The following UNC13C variants were observed in gnomAD, a reference collection of about 807,000 sequenced individuals.
UNC13C encodes unc-13 homolog C.
A neutral mutation model predicts 245.4 loss-of-function variants in UNC13C; 174 were observed. That is an observed-to-expected ratio of 0.71 (90% CI 0.63 to 0.80). UNC13C has a LOEUF of 0.80. UNC13C is among the 30% of genes least tolerant of loss of function. UNC13C has a pLI of 0.00. For synonymous variants in UNC13C, 992 were observed against 895.1 expected, an observed-to-expected ratio of 1.11 and a Z score of -1.93; for missense variants, 2,829 against 2,602.9, an observed-to-expected ratio of 1.09 and a Z score of -1.89.
At chr15:54,561,456 A>T (rs1374850616) in intron 29 of UNC13C, among the ~76,000 whole-genome samples, 2 of 152,000 alleles carry the variant, frequency 1.3e-5, no homozygotes, top group Admixed American at 6.6e-5. Flanking sequence ...GGGCGTTTAC[A>T]GGCTGGATAG....
intron 10 of UNC13C, among the ~76,000 whole-genome samples, chr15:54,268,613 G>GGATCTTGCT (rs1173017751): frequency 6.6e-6 from 1 of 152,016 alleles, no homozygotes; most frequent in Non-Finnish European, 1.5e-5. Context: ...TTTGTGCTTT[G>GGATCTTGCT]GATCTTGCTT....
At chr15:54,442,987 T>A (rs1339474381) in intron 19 of UNC13C, among the ~76,000 whole-genome samples, 1 of 152,142 alleles carries the variant, frequency 6.6e-6, no homozygotes, top group Non-Finnish European at 1.5e-5. Context: ...TTGAGGTTAA[T>A]TGGTATTAAT....
chr15:54,590,500 G>C (rs1296348782), intron 30 of UNC13C, among the ~76,000 whole-genome samples: 1 of 151,998 alleles, frequency 6.6e-6, no homozygotes, highest in Non-Finnish European at 1.5e-5. Flanking sequence ...GAGGTCTTCT[G>C]ACTCTTTTGT....
chr15:54,172,554 C>T (rs1431237187), intron 4 of UNC13C, among the ~76,000 whole-genome samples: 1 of 150,822 alleles, frequency 6.6e-6, no homozygotes, highest in Non-Finnish European at 1.5e-5. Flanking sequence ...ATAAATTATA[C>T]CACAGGTTAT....
chr15:53,971,076 T>C, the UNC13C span, among the ~76,000 whole-genome samples: 2 of 152,200 alleles, frequency 1.3e-5, no homozygotes, highest in Non-Finnish European at 2.9e-5. Flanking sequence ...AGTAATATCG[T>C]GGTTTTGATA....
At chr15:54,527,723 A>C (rs1895539772) in intron 25 of UNC13C, among the ~76,000 whole-genome samples, 2 of 152,242 alleles carry the variant, frequency 1.3e-5, no homozygotes, top group African/African-American at 4.8e-5. Context: ...GGCTACCCAG[A>C]ATCCATTTAT....
At chr15:54,062,255 G>T (rs909637242) in intron 2 of UNC13C, among the ~76,000 whole-genome samples, 1 of 150,940 alleles carries the variant, frequency 6.6e-6, no homozygotes, top group Admixed American at 6.6e-5. Flanking sequence ...GGAGGTGGAG[G>T]TTGCAGTGAG....
At position 54,013,713 on chromosome 15, in the gene UNC13C, C is replaced by G; in HGVS notation, c.810C>G (p.Leu270=). 1 of 1,613,324 alleles carries G rather than the reference C, an allele frequency of 6.2e-7. No individual in the cohort carries two copies. Among genetic ancestry groups the G allele is most frequent in the East Asian group, 2.2e-5 (1 of 44,860 alleles). The change falls in exon 2 of 33, where the codon CTC becomes CTG. Residue 270 remains leucine (L), a synonymous_variant. Transcript: ENST00000260323. ...LSELRGHVNA[L]KHSIDEISSS... is the part of the protein sequence containing the mutation. ...AACTACGAGGGCACGTCAATGCTCT[C>G]AAGCACTCCATCGATGAGATCTCCA...
chr15:53,995,072 G>A (rs1894558085), intron 1 of UNC13C, among the ~76,000 whole-genome samples: 2 of 152,110 alleles, frequency 1.3e-5, no homozygotes, highest in South Asian at 4.1e-4. Flanking sequence ...AATATTCTAT[G>A]AGAAACTGAG....
At chr15:53,874,962 C>A in the UNC13C span, among the ~76,000 whole-genome samples, 1 of 152,044 alleles carries the variant, frequency 6.6e-6, no homozygotes, top group Admixed American at 6.6e-5. Context: ...GGTGTGGTGG[C>A]ATGCACCTGA....
At chr15:54,027,250 G>A (rs1896150519) in intron 2 of UNC13C, among the ~76,000 whole-genome samples, 1 of 151,498 alleles carries the variant, frequency 6.6e-6, no homozygotes, top group South Asian at 2.1e-4. Flanking sequence ...CCTTTTCTGT[G>A]TCTTTTGAAT....
At chr15:54,221,498 T>A (rs924797165) in intron 4 of UNC13C, among the ~76,000 whole-genome samples, 2 of 151,718 alleles carry the variant, frequency 1.3e-5, no homozygotes, top group Non-Finnish European at 2.9e-5. Flanking sequence ...ATAAAATACA[T>A]AACGTTAGGC....
At chr15:54,454,807 TTCATTCATTCA>T (rs1891385330) in intron 19 of UNC13C, among the ~76,000 whole-genome samples, 1 of 99,480 alleles carries the variant, frequency 1.0e-5, no homozygotes. Context: ...TATTTATTCA[TTCATTCATTCA>T]TTCATTCATT....
At chr15:54,591,022 A>G (rs1898757057) in intron 30 of UNC13C, among the ~76,000 whole-genome samples, 1 of 152,144 alleles carries the variant, frequency 6.6e-6, no homozygotes, top group African/African-American at 2.4e-5. Flanking sequence ...ATTTTGTTGA[A>G]TGCTTTTTCT....
chr15:54,504,504 C>T (rs1373202072), intron 22 of UNC13C, among the ~76,000 whole-genome samples: 2 of 152,154 alleles, frequency 1.3e-5, no homozygotes, highest in African/African-American at 4.8e-5. Context: ...CTAAACTATA[C>T]TCACTTCTCA....
intron 4 of UNC13C, among the ~76,000 whole-genome samples, chr15:54,156,324 T>A (rs2032743576): frequency 6.6e-6 from 1 of 152,160 alleles, no homozygotes; most frequent in South Asian, 2.1e-4. Flanking sequence ...ATCTTGAGGC[T>A]TAGACTCTAA....
At chr15:54,588,611 A>G (rs146570552) in intron 30 of UNC13C, among the ~76,000 whole-genome samples, 61 of 152,212 alleles carry the variant, frequency 4.0e-4, no homozygotes, top group African/African-American at 1.5e-3. Context: ...ACACTGCGCC[A>G]TATTTCTTGT....
intron 7 of UNC13C, among the ~76,000 whole-genome samples, chr15:54,248,065 A>G (rs1450699859): frequency 5.9e-5 from 9 of 152,174 alleles, no homozygotes; most frequent in African/African-American, 2.2e-4. Context: ...ATATGTGAAT[A>G]AGTTCATGTT....
chr15:53,884,407 C>T, the UNC13C span, among the ~76,000 whole-genome samples: 2 of 152,096 alleles, frequency 1.3e-5, no homozygotes, highest in East Asian at 1.9e-4. Flanking sequence ...TAGCTCACTG[C>T]GGCCTGAACT....
Sources: allele counts gnomAD v4.1 joint callset (sites outside exome capture counted in the v4.1 genomes callset), GRCh38; gene constraint gnomAD v4.1.1; transcripts MANE v1.5; gene names NCBI Gene and HGNC (gene_info 2026-07-23, HGNC 2026-07-21).